TCEANC: variants seen among roughly 807,000 people sequenced by gnomAD.
The protein encoded by TCEANC is transcription elongation factor A N-terminal and central domain containing.
In TCEANC, 8 loss-of-function variants were observed where a neutral mutation model predicts 8.7. The observed-to-expected ratio is 0.92, with a 90% confidence interval of 0.54 to 1.65. The LOEUF (loss-of-function observed/expected upper bound fraction) is 1.65. Ranked by LOEUF, TCEANC falls within the 40% of genes most tolerant of loss-of-function variation. The probability of loss-of-function intolerance (pLI) is 0.00; values close to 1 mark genes in which losing one functional copy is unlikely to be tolerated. For missense variants in TCEANC, 255 were observed against 251.9 expected, an observed-to-expected ratio of 1.01 and a Z score of -0.08; for synonymous variants, 78 against 92.9, an observed-to-expected ratio of 0.84 and a Z score of 0.92.
intron 1 of TCEANC, among the ~76,000 whole-genome samples, 183 bp from the exon 4 acceptor site, chrX:13,660,845 TTTA>T (rs1299063597): frequency 8.9e-6 from 1 of 112,218 alleles, no homozygotes; most frequent in African/African-American, 3.2e-5. Context: ...TATTCATTTA[TTTA>T]TTATTATTTT....
exon 2 of TCEANC, chrX:13,664,345 C>G (rs892148299): frequency 8.2e-6 from 1 of 122,487 alleles, no homozygotes; most frequent in Non-Finnish European, 1.9e-5. Context: ...TCCTGGAGGT[C>G]GGGGACAAAA....
rs759028174 is a variant in TCEANC, at chrX:13,662,868, G to GAATTCTCTGTCTTCCC, written c.363_378dup (p.Asp127PhefsTer12). On this transcript the variant is annotated frameshift_variant, in exon 2 of 2. Coordinates refer to ENST00000380600, the Ensembl canonical transcript of TCEANC. LOFTEE classifies it low-confidence loss of function (END_TRUNC). ...ATGAGACACTGGGCATCTGCAGCTC[G>GAATTCTCTGTCTTCCC]AATTCTCTGTCTTCCCAAGACGTTG... The GAATTCTCTGTCTTCCC allele has an allele frequency of 4.0e-5, 48 of 1,210,034 alleles. No homozygotes were observed. The highest frequency in any genetic ancestry group is 5.1e-5 in the Non-Finnish European group (46 of 895,227).
exon 2 of TCEANC, chrX:13,663,346 G>A (rs749001226): frequency 1.7e-6 from 2 of 1,195,589 alleles, no homozygotes; most frequent in Non-Finnish European, 2.3e-6. Context: ...TTGTATCCAG[G>A]AACATTACCT....
At chrX:13,659,291 G>C (rs2045947268) in intron 1 of TCEANC, among the ~76,000 whole-genome samples, 2 of 112,345 alleles carry the variant, frequency 1.8e-5, no homozygotes, top group African/African-American at 6.5e-5. Flanking sequence ...TAGGCATTGA[G>C]AAAGATGGTG....
exon 2 of TCEANC, chrX:13,662,523 C>T (rs1216772475): frequency 5.8e-6 from 7 of 1,208,720 alleles, no homozygotes; most frequent in Admixed American, 2.2e-5. Flanking sequence ...CTGACAAGAA[C>T]CAGATAGCTG....
Position 13,656,927 on chromosome X carries a change from G to A in TCEANC, c.-9+1554G>A, listed in dbSNP as rs1273807230. ...ATCCATAGAGACAGAAAGTCGAGTG[G>A]TGATTGCCAGGGGCTGGAGGGAGGG... On this transcript the variant is annotated intron_variant, in intron 1 of 1. Transcript: ENST00000380600. Among the ~76,000 whole-genome samples, 9 of 112,403 alleles carry A rather than the reference G, an allele frequency of 8.0e-5. No individual in the cohort carries two copies. In the Admixed American group the frequency reaches 8.5e-4, roughly 11 times the overall value.
At chrX:13,655,469 A>G (rs2045918255) in intron 1 of TCEANC, 96 bp downstream of exon 2, 1 of 112,682 alleles carries the variant, frequency 8.9e-6, no homozygotes, top group South Asian at 3.6e-4. Context: ...TGTCAGCTGC[A>G]TTGTACACAG....
At chrX:13,663,564 A>G (rs1375015758) in exon 2 of TCEANC, 13 of 1,121,390 alleles carry the variant, frequency 1.2e-5, no homozygotes, top group Non-Finnish European at 1.4e-5. Context: ...TGTGCTGGTA[A>G]CTGTAAATCA....
intron 1 of TCEANC, among the ~76,000 whole-genome samples, chrX:13,657,807 C>CAAAAA (rs34205512): frequency 1.5e-5 from 1 of 68,847 alleles, no homozygotes; most frequent in African/African-American, 5.6e-5. Flanking sequence ...GACTCCATCT[C>CAAAAA]AAAAAAAAAA....
intron 1 of TCEANC, among the ~76,000 whole-genome samples, chrX:13,656,167 C>A (rs929975686): frequency 1.8e-5 from 2 of 111,944 alleles, no homozygotes; most frequent in African/African-American, 6.5e-5. Flanking sequence ...GCGTGTGTTT[C>A]CCCTAGCAGC....
exon 2 of TCEANC, chrX:13,663,325 T>G (rs2045985851): frequency 8.4e-7 from 1 of 1,194,835 alleles, no homozygotes; most frequent in Non-Finnish European, 1.1e-6. Context: ...GAGAGCCTCC[T>G]ACACGGAATC....
At chrX:13,660,101 A>G in intron 1 of TCEANC, among the ~76,000 whole-genome samples, 1 of 112,328 alleles carries the variant, frequency 8.9e-6, no homozygotes, top group East Asian at 2.7e-4. Context: ...TGATTATGAA[A>G]GCAATACATG....
At chrX:13,653,300 C>G (rs16979058), upstream of TCEANC, 1 of 112,406 alleles carries the variant, frequency 8.9e-6, no homozygotes, top group Admixed American at 9.3e-5. Context: ...CCCTGGGCGG[C>G]GTAGATCCGA....
chrX:13,657,826 A>AAAC (rs1555961171), intron 1 of TCEANC, among the ~76,000 whole-genome samples: 804 of 79,305 alleles, frequency 0.01, 26 homozygotes, highest in African/African-American at 0.04. Flanking sequence ...AAAAAAAAAA[A>AAAC]ACACACACAC....
chrX:13,664,402 CTT>C (rs2045998057), exon 2 of TCEANC: 2 of 123,375 alleles, frequency 1.6e-5, no homozygotes, highest in Non-Finnish European at 1.9e-5. Flanking sequence ...GATCTTCATT[CTT>C]TTCCCCTCTC....
At chrX:13,657,108 TACAC>T (rs2045929051) in intron 1 of TCEANC, among the ~76,000 whole-genome samples, 1 of 112,386 alleles carries the variant, frequency 8.9e-6, no homozygotes, top group African/African-American at 3.2e-5. Context: ...CCACCGAACA[TACAC>T]AGGCTAAGAA....
exon 2 of TCEANC, chrX:13,663,219 T>A (rs1360309811): frequency 1.7e-6 from 2 of 1,205,897 alleles, no homozygotes; most frequent in African/African-American, 3.5e-5. Context: ...CCAGAAATTC[T>A]CATTTACAAC....
intron 1 of TCEANC, among the ~76,000 whole-genome samples, chrX:13,657,300 C>T (rs1254547885): frequency 1.8e-5 from 2 of 111,384 alleles, no homozygotes; most frequent in African/African-American, 6.5e-5. Context: ...CTGGAAGGCC[C>T]CAAATAGGAG....
chrX:13,663,185 G>A (rs1421141523), exon 2 of TCEANC: 1 of 1,204,460 alleles, frequency 8.3e-7, no homozygotes, highest in African/African-American at 1.8e-5. Flanking sequence ...TGCATCAGAA[G>A]CAAAGTTGCC....
Sources: gnomAD v4.1 joint callset for allele counts (sites outside exome capture counted in the v4.1 genomes callset) on GRCh38, gnomAD v4.1.1 for gene constraint, MANE v1.5 for transcripts, NCBI Gene and HGNC (gene_info 2026-07-23, HGNC 2026-07-21) for gene names.